Variants in OXR1 observed in about 807,000 individuals in gnomAD.
The protein encoded by OXR1 is oxidation resistance protein 1.
In OXR1, 41 loss-of-function variants were observed where a neutral mutation model predicts 104.6. The ratio of observed to expected loss-of-function variants is 0.39; its 90% CI spans 0.31 to 0.51. OXR1 has a LOEUF of 0.51. Ranked by LOEUF, OXR1 falls within the 20% of genes least tolerant of loss-of-function variation. OXR1 has a pLI of 0.77. For synonymous variants in OXR1, 348 were observed against 348.4 expected (o/e 1.00, Z 0.01); for missense variants, 955 against 1,031.9 (o/e 0.93, Z 1.02).
chr8:106,698,663 C>G (rs755072724), intron 7 of OXR1, among the ~76,000 whole-genome samples: 1 of 152,076 alleles, frequency 6.6e-6, no homozygotes, highest in Non-Finnish European at 1.5e-5. Flanking sequence ...CTAATCTACT[C>G]TTAATCCTAT....
intron 3 of OXR1, among the ~76,000 whole-genome samples, chr8:106,611,839 T>C (rs1162558047): frequency 1.3e-5 from 2 of 152,138 alleles, no homozygotes; most frequent in Non-Finnish European, 2.9e-5. Context: ...AATAAAATAA[T>C]GAATTCAGTT....
chr8:106,521,401 C>G (rs934390873), intron 3 of OXR1, among the ~76,000 whole-genome samples: 2 of 152,146 alleles, frequency 1.3e-5, no homozygotes, highest in African/African-American at 4.8e-5. Context: ...AAGATGGGGT[C>G]ATGAGCTGTA....
chr8:106,553,250 A>G (rs942901825), intron 3 of OXR1, among the ~76,000 whole-genome samples: 1 of 151,806 alleles, frequency 6.6e-6, no homozygotes, highest in African/African-American at 2.4e-5. Context: ...CATACTGTGG[A>G]AAAAAATAAG....
At chr8:106,631,911 A>C (rs897130199) in intron 3 of OXR1, among the ~76,000 whole-genome samples, 2 of 152,174 alleles carry the variant, frequency 1.3e-5, no homozygotes, top group South Asian at 4.1e-4. Flanking sequence ...CACCTTATAT[A>C]CTACTATATC....
chr8:106,663,972 C>T (rs1826022148), intron 3 of OXR1, among the ~76,000 whole-genome samples: 1 of 152,168 alleles, frequency 6.6e-6, no homozygotes. Context: ...ACAAAAAACT[C>T]ACAGTGTTGG....
chr8:106,394,978 G>T (rs1300429344), intron 2 of OXR1, among the ~76,000 whole-genome samples: 1 of 152,004 alleles, frequency 6.6e-6, no homozygotes, highest in Non-Finnish European at 1.5e-5. Context: ...GTTTACAAAT[G>T]TATGTTATAA....
chr8:106,440,038 C>T (rs79773713), intron 2 of OXR1, among the ~76,000 whole-genome samples: 7,087 of 152,010 alleles, frequency 0.047, 539 homozygotes, highest in African/African-American at 0.16. Flanking sequence ...CTGAATTGAC[C>T]TTTTATTTCA....
intron 3 of OXR1, among the ~76,000 whole-genome samples, chr8:106,608,070 C>G (rs1013731937): frequency 5.9e-5 from 9 of 152,210 alleles, no homozygotes; most frequent in Admixed American, 2.0e-4. Flanking sequence ...TAGCTTGAGG[C>G]TAGGAATTTG....
Position 106,461,767 on chromosome 8 carries a change from G to T in OXR1, c.24-57176G>T, listed in dbSNP as rs142389775. Among the ~76,000 whole-genome samples, 105 of 152,130 alleles carry T rather than the reference G, an allele frequency of 6.9e-4. 1 individual carries two copies. The East Asian group carries it at 0.018, about 27-fold the overall frequency. On this transcript the variant is annotated intron_variant, in intron 2 of 16. Transcript: ENST00000517566. ...TTGCAGATCGGAACAGATAATATGC[G>T]CAGTGTCACAAAAATATAAGGAATG...
chr8:106,384,368 C>T (rs942557619), intron 2 of OXR1, among the ~76,000 whole-genome samples: 5 of 152,208 alleles, frequency 3.3e-5, no homozygotes, highest in African/African-American at 7.2e-5. Context: ...TCACATGACT[C>T]GGGACAGCTC....
intron 1 of OXR1, among the ~76,000 whole-genome samples, chr8:106,297,916 A>G (rs1813067168): frequency 6.6e-6 from 1 of 152,234 alleles, no homozygotes; most frequent in Admixed American, 6.5e-5. Context: ...AATGTTTAAC[A>G]TGGAGAAGAG....
intron 10 of OXR1, among the ~76,000 whole-genome samples, chr8:106,711,104 G>A (rs1406743285): frequency 1.3e-5 from 2 of 152,036 alleles, no homozygotes; most frequent in Non-Finnish European, 2.9e-5. Context: ...GCAGCTAATG[G>A]TGTATAATTC....
At chr8:106,375,662 C>CT (rs1310621670) in intron 2 of OXR1, among the ~76,000 whole-genome samples, 1 of 152,180 alleles carries the variant, frequency 6.6e-6, no homozygotes, top group African/African-American at 2.4e-5. Flanking sequence ...TCAACAGGTG[C>CT]TTTGCAATCA....
At position 106,751,142 on chromosome 8, in the gene OXR1, G is replaced by A. The variant is rs1029198790; in HGVS notation, c.*201G>A. 1.2e-5 allele frequency: 5 copies of A among 430,754 alleles called. No individual in the cohort carries two copies. In the South Asian group the frequency reaches 2.5e-4, roughly 21 times the overall value. The allele number at this position is 430,754 out of a possible 1,614,324, so 26.7% of individuals were successfully genotyped here. ...CCCAGAGTTCTTTAGGTTAACACTA[G>A]GGACTGCGTCCATGTACTAGTATAA... On this transcript the variant is annotated 3_prime_UTR_variant, in exon 17 of 17. Transcript: ENST00000517566.
intron 3 of OXR1, among the ~76,000 whole-genome samples, chr8:106,644,869 C>A (rs186542161): frequency 6.6e-6 from 1 of 152,182 alleles, no homozygotes; most frequent in Non-Finnish European, 1.5e-5. Context: ...GTTCCCCACC[C>A]TACAGCCATG....
chr8:106,417,351 A>T, intron 2 of OXR1, among the ~76,000 whole-genome samples: 1 of 152,140 alleles, frequency 6.6e-6, no homozygotes, highest in East Asian at 1.9e-4. Flanking sequence ...ATAACAGAGA[A>T]TGTACACTTC....
intron 3 of OXR1, among the ~76,000 whole-genome samples, chr8:106,664,411 CA>C (rs1190520103): frequency 1.3e-5 from 2 of 152,198 alleles, no homozygotes; most frequent in Non-Finnish European, 2.9e-5. Context: ...GCTGGTCTGG[CA>C]ACCACACTTT....
chr8:106,711,307 GTAAA>G (rs1831663353), intron 10 of OXR1, among the ~76,000 whole-genome samples: 2 of 152,012 alleles, frequency 1.3e-5, no homozygotes, highest in South Asian at 4.1e-4. Context: ...TACATTTTAA[GTAAA>G]TAGTGTTACT....
At chr8:106,531,511 T>C (rs1304144828) in intron 3 of OXR1, among the ~76,000 whole-genome samples, 1 of 152,196 alleles carries the variant, frequency 6.6e-6, no homozygotes, top group African/African-American at 2.4e-5. Flanking sequence ...TGATATCCTC[T>C]CTTAGTTTTC....
Sources: allele counts gnomAD v4.1 joint callset (sites outside exome capture counted in the v4.1 genomes callset), GRCh38; gene constraint gnomAD v4.1.1; transcripts MANE v1.5; gene names NCBI Gene and HGNC (gene_info 2026-07-23, HGNC 2026-07-21).